MYRIP: variants seen among roughly 807,000 people sequenced by gnomAD.
MYRIP encodes myosin VIIA and Rab interacting protein, also known as rab effector MyRIP.
MYRIP carries 49 observed loss-of-function variants against 98.0 expected under a neutral mutation model. That is an observed-to-expected ratio of 0.50 (90% confidence interval 0.40 to 0.63). MYRIP has a LOEUF of 0.63. Ranked by LOEUF, MYRIP falls within the 30% of genes least tolerant of loss-of-function variation. MYRIP has a pLI of 0.00. For synonymous variants in MYRIP, 404 were observed against 409.5 expected (o/e 0.99, Z 0.16); for missense variants, 1,004 against 1,058.2 (o/e 0.95, Z 0.71).
chr3:40,069,387 G>A (rs553411379), intron 3 of MYRIP, among the ~76,000 whole-genome samples: 39 of 142,346 alleles, frequency 2.7e-4, no homozygotes, highest in Non-Finnish European at 5.0e-4. Context: ...GCCAAATTTC[G>A]CAAGATACTT....
chr3:40,238,588 A>T (rs934156073), intron 12 of MYRIP: 18 of 152,228 alleles, frequency 1.2e-4, no homozygotes, highest in African/African-American at 4.3e-4. Context: ...GAGAATGTTC[A>T]CCTTTAAAAA....
Position 40,182,320 on chromosome 3 carries a change from G to A in MYRIP, c.974G>A (p.Arg325Lys), listed in dbSNP as rs767752118. 12 of 1,613,940 alleles carry A rather than the reference G, an allele frequency of 7.4e-6. No individual in the cohort carries two copies. The highest frequency in any genetic ancestry group is 3.3e-5 in the South Asian group (3 of 91,028). Residue 325 changes from arginine to lysine, a missense_variant, in exon 9 of 17, where the codon AGA becomes AAA. Around this residue, in one of 3 missense-constraint regions of MYRIP, gnomAD observed 880 missense variants for 907.7 expected, o/e 0.97. Coordinates refer to ENST00000302541, the MANE Select transcript of MYRIP (RefSeq NM_015460.4). The part of the protein sequence containing the change: ...RQPRDQGQHP[R>K]AESALPSWKS... ...CCAAGGGACCAAGGCCAACACCCGA[G>A]AGCAGAGTCTGCTCTGCCCAGCTGG...
At chr3:39,923,406 C>T (rs1365253270) in intron 2 of MYRIP, among the ~76,000 whole-genome samples, 1 of 151,972 alleles carries the variant, frequency 6.6e-6, no homozygotes, top group African/African-American at 2.4e-5. Context: ...TAACTATACT[C>T]TTGAAAACAG....
intron 2 of MYRIP, among the ~76,000 whole-genome samples, chr3:40,031,228 C>T (rs1296131198): frequency 2.0e-5 from 3 of 152,004 alleles, no homozygotes; most frequent in Admixed American, 6.6e-5. Context: ...GGCAAGGCGG[C>T]CCTGGAGTCC....
At chr3:39,881,139 TA>T (rs1442370022) in intron 1 of MYRIP, among the ~76,000 whole-genome samples, 6 of 152,186 alleles carry the variant, frequency 3.9e-5, no homozygotes, top group Admixed American at 3.9e-4. Context: ...TTTTCATGGA[TA>T]AAATCAGTAT....
At chr3:39,891,318 T>C (rs1187357234) in intron 1 of MYRIP, among the ~76,000 whole-genome samples, 1 of 152,110 alleles carries the variant, frequency 6.6e-6, no homozygotes. Context: ...ATAAAGTTTG[T>C]GATATTCATA....
At chr3:40,076,309 C>T (rs1948342101) in intron 3 of MYRIP, among the ~76,000 whole-genome samples, 1 of 152,164 alleles carries the variant, frequency 6.6e-6, no homozygotes, top group Non-Finnish European at 1.5e-5. Context: ...CCAGGTTGGC[C>T]AGTATGTATA....
intron 3 of MYRIP, among the ~76,000 whole-genome samples, chr3:40,135,539 A>G (rs1238010556): frequency 6.6e-6 from 1 of 152,234 alleles, no homozygotes; most frequent in African/African-American, 2.4e-5. Context: ...AGAACGCCAT[A>G]AAGATACTCC....
intron 11 of MYRIP, among the ~76,000 whole-genome samples, chr3:40,217,175 C>T (rs1022840532): frequency 6.6e-5 from 10 of 152,074 alleles, no homozygotes; most frequent in Admixed American, 4.6e-4. Context: ...ATCCATCAAA[C>T]GTTCGTGGTG....
At chr3:39,964,113 C>A (rs60235662) in intron 2 of MYRIP, among the ~76,000 whole-genome samples, 13,386 of 152,014 alleles carry the variant, frequency 0.088, 1,422 homozygotes, top group African/African-American at 0.25. Flanking sequence ...AAGAATGTCA[C>A]CTGATGCATT....
intron 4 of MYRIP, among the ~76,000 whole-genome samples, chr3:40,155,531 G>A (rs2125580581): frequency 6.6e-6 from 1 of 152,108 alleles, no homozygotes; most frequent in East Asian, 1.9e-4. Context: ...TGGGTCAAAT[G>A]GTATTTCTAG....
At chr3:40,166,808 C>A in intron 5 of MYRIP, 38 bp from the exon 6 acceptor site, 1 of 1,337,336 alleles carries the variant, frequency 7.5e-7, no homozygotes, top group Non-Finnish European at 1.1e-6. Context: ...ACTCATCATT[C>A]CCTTTTAGAA....
At chr3:40,256,472 TTTAA>T (rs753840003) in intron 16 of MYRIP, among the ~76,000 whole-genome samples, 61 of 152,072 alleles carry the variant, frequency 4.0e-4, no homozygotes, top group Non-Finnish European at 7.1e-4. Context: ...CCAAAAAACA[TTTAA>T]TTAAGACCAG....
chr3:40,104,403 C>T (rs952559126), intron 3 of MYRIP, among the ~76,000 whole-genome samples: 3 of 152,122 alleles, frequency 2.0e-5, no homozygotes, highest in African/African-American at 7.2e-5. Context: ...TTCTTATGTC[C>T]ATCTTTGATA....
intron 3 of MYRIP, among the ~76,000 whole-genome samples, chr3:40,110,836 C>T (rs901693826): frequency 6.6e-6 from 1 of 151,508 alleles, no homozygotes; most frequent in African/African-American, 2.4e-5. Context: ...TAATTATTCT[C>T]AAATAACCAC....
chr3:40,112,340 A>C (rs1256027067), intron 3 of MYRIP, among the ~76,000 whole-genome samples: 2 of 152,164 alleles, frequency 1.3e-5, no homozygotes, highest in African/African-American at 4.8e-5. Context: ...ACAAATAAGC[A>C]CACACGTTGG....
At chr3:40,071,393 A>G (rs1395548984) in intron 3 of MYRIP, among the ~76,000 whole-genome samples, 1 of 152,204 alleles carries the variant, frequency 6.6e-6, no homozygotes, top group African/African-American at 2.4e-5. Context: ...AATGCAGTCT[A>G]TCCTGATGGC....
intron 3 of MYRIP, among the ~76,000 whole-genome samples, chr3:40,129,851 A>G (rs1393927639): frequency 2.0e-5 from 3 of 152,224 alleles, no homozygotes. Flanking sequence ...TCCTAGGTGA[A>G]ACTTTAATGT....
At chr3:40,091,403 G>A (rs531713936) in intron 3 of MYRIP, among the ~76,000 whole-genome samples, 2 of 151,454 alleles carry the variant, frequency 1.3e-5, no homozygotes, top group Non-Finnish European at 2.9e-5. Flanking sequence ...GTAGAAGAGG[G>A]TCTGGCTATG....
Sources: allele counts gnomAD v4.1 joint callset (sites outside exome capture counted in the v4.1 genomes callset), GRCh38; gene constraint gnomAD v4.1.1; regional missense constraint gnomAD v4.1.1; transcripts MANE v1.5; gene names NCBI Gene and HGNC (gene_info 2026-07-23, HGNC 2026-07-21).